Variants in MYO3B observed in about 807,000 individuals in gnomAD.
MYO3B encodes the protein myosin IIIB.
MYO3B carries 156 observed loss-of-function variants against 174.6 expected under a neutral mutation model. That is an observed-to-expected ratio of 0.89 (90% CI 0.78 to 1.02). The LOEUF (loss-of-function observed/expected upper bound fraction) is 1.02. Ranked by LOEUF, MYO3B falls within the 50% of genes least tolerant of loss-of-function variation. MYO3B has a pLI of 0.00. For synonymous variants in MYO3B, 563 were observed against 569.1 expected (o/e 0.99, Z 0.15); for missense variants, 1,632 against 1,639.4 (o/e 1.00, Z 0.08).
chr2:170,519,585 T>A (rs1280835741), intron 30 of MYO3B, 45 bp downstream of exon 30: 5 of 1,389,262 alleles, frequency 3.6e-6, no homozygotes, highest in Non-Finnish European at 5.1e-6. Flanking sequence ...ACTCAGGTGC[T>A]CCATTCTAAT....
chr2:170,516,606 GAAC>G (rs1688327094), intron 29 of MYO3B, among the ~76,000 whole-genome samples: 1 of 143,592 alleles, frequency 7.0e-6, no homozygotes, highest in South Asian at 2.2e-4. Context: ...TCGCGCCACT[GAAC>G]TACAGCCTGG....
At chr2:170,189,224 C>T (rs1384550028) in intron 1 of MYO3B, among the ~76,000 whole-genome samples, 1 of 152,058 alleles carries the variant, frequency 6.6e-6, no homozygotes, top group Admixed American at 6.6e-5. Context: ...TGTAATTTGT[C>T]ATTTCTCCTG....
intron 25 of MYO3B, among the ~76,000 whole-genome samples, chr2:170,480,029 A>G (rs993394911): frequency 2.4e-4 from 27 of 113,754 alleles, no homozygotes; most frequent in Admixed American, 1.6e-3. Flanking sequence ...ACCTATATAT[A>G]TGTGTGTGTG....
intron 7 of MYO3B, 53 bp downstream of exon 7, chr2:170,236,189 G>A: frequency 1.9e-6 from 3 of 1,559,566 alleles, no homozygotes; most frequent in Non-Finnish European, 2.6e-6. Context: ...AAAGCGTCTG[G>A]TTAGAGGGAT....
chr2:170,649,358 T>C (rs1163032468), intron 32 of MYO3B, among the ~76,000 whole-genome samples: 2 of 44,844 alleles, frequency 4.5e-5, no homozygotes, highest in African/African-American at 1.7e-4. Context: ...TAATATATAA[T>C]ATATTATATA....
At chr2:170,248,344 G>T (rs996938977) in intron 7 of MYO3B, among the ~76,000 whole-genome samples, 1 of 152,120 alleles carries the variant, frequency 6.6e-6, no homozygotes, top group Non-Finnish European at 1.5e-5. Context: ...TATTTATGTG[G>T]TTCTGATGTC....
At chr2:170,408,048 G>A (rs1009337069) in intron 22 of MYO3B, among the ~76,000 whole-genome samples, 15 of 152,210 alleles carry the variant, frequency 9.9e-5, no homozygotes, top group African/African-American at 2.7e-4. Flanking sequence ...ACACAGACAC[G>A]TGTAGCTGCA....
At chr2:170,542,810 T>G in intron 30 of MYO3B, 96 bp from the exon 31 acceptor site, 1 of 920,062 alleles carries the variant, frequency 1.1e-6, no homozygotes, top group Non-Finnish European at 1.6e-6. Flanking sequence ...ATAAAAAGTA[T>G]GTTTTGATAT....
intron 7 of MYO3B, among the ~76,000 whole-genome samples, chr2:170,269,629 A>T (rs920601341): frequency 6.6e-6 from 1 of 152,210 alleles, no homozygotes; most frequent in African/African-American, 2.4e-5. Context: ...ACGTAAGTTC[A>T]TTGAGGTAAT....
intron 1 of MYO3B, chr2:170,180,291 C>G: frequency 3.2e-6 from 1 of 308,824 alleles, no homozygotes; most frequent in South Asian, 2.5e-5. Flanking sequence ...AAACTCAAAT[C>G]AGCTCATGAA....
intron 27 of MYO3B, 122 bp downstream of exon 27, chr2:170,499,930 C>T (rs1016370948): frequency 1.5e-5 from 11 of 739,522 alleles, no homozygotes; most frequent in Non-Finnish European, 2.1e-5. Flanking sequence ...CCCCTCCCTC[C>T]CTCCCTTCCT....
At chr2:170,381,344 C>T (rs975001317) in intron 9 of MYO3B, among the ~76,000 whole-genome samples, 5 of 151,822 alleles carry the variant, frequency 3.3e-5, no homozygotes, top group African/African-American at 1.2e-4. Flanking sequence ...AGTATAAAAC[C>T]TAAGTATGAT....
At chr2:170,510,968 T>TAG (rs1687942492) in intron 28 of MYO3B, among the ~76,000 whole-genome samples, 1 of 152,232 alleles carries the variant, frequency 6.6e-6, no homozygotes, top group African/African-American at 2.4e-5. Flanking sequence ...ACCACAATTT[T>TAG]ATTCATTTAC....
chr2:170,325,418 G>A (rs1475036097), intron 7 of MYO3B, among the ~76,000 whole-genome samples: 1 of 152,136 alleles, frequency 6.6e-6, no homozygotes, highest in Non-Finnish European at 1.5e-5. Flanking sequence ...ATGTTGACCA[G>A]GCTGGTCTTG....
intron 32 of MYO3B, among the ~76,000 whole-genome samples, chr2:170,599,904 T>A (rs1237277459): frequency 6.6e-6 from 1 of 152,188 alleles, no homozygotes; most frequent in African/African-American, 2.4e-5. Context: ...ATATTTAGAT[T>A]TAATACAAAT....
intron 22 of MYO3B, among the ~76,000 whole-genome samples, chr2:170,437,395 G>T (rs2094762311): frequency 6.6e-6 from 1 of 152,092 alleles, no homozygotes; most frequent in African/African-American, 2.4e-5. Context: ...CTTGAAGCAG[G>T]TCATAAAATC....
chr2:170,230,398 G>C (rs1482218045), intron 6 of MYO3B, among the ~76,000 whole-genome samples: 2 of 130,952 alleles, frequency 1.5e-5, no homozygotes, highest in African/African-American at 2.9e-5. Flanking sequence ...GGTCAGGCTG[G>C]TCTCTAACTC....
chr2:170,352,248 C>T (rs1350052705), intron 8 of MYO3B, among the ~76,000 whole-genome samples: 2 of 152,126 alleles, frequency 1.3e-5, no homozygotes, highest in African/African-American at 4.8e-5. Flanking sequence ...CCACCGTGCC[C>T]GGCCTAGGCA....
intron 23 of MYO3B, among the ~76,000 whole-genome samples, chr2:170,458,051 G>A (rs1466220029): frequency 6.6e-6 from 1 of 152,164 alleles, no homozygotes; most frequent in Non-Finnish European, 1.5e-5. Context: ...ATCGCACCTG[G>A]CTAAAATAAT....
Sources: gnomAD v4.1 joint callset for allele counts (sites outside exome capture counted in the v4.1 genomes callset) on GRCh38, gnomAD v4.1.1 for gene constraint, MANE v1.5 for transcripts, NCBI Gene and HGNC (gene_info 2026-07-23, HGNC 2026-07-21) for gene names.